CFAP44: variants seen among roughly 807,000 people sequenced by gnomAD.
The protein encoded by CFAP44 is cilia and flagella associated protein 44.
CFAP44 carries 134 observed loss-of-function variants against 216.2 expected under a neutral mutation model. The observed-to-expected ratio is 0.62, with a 90% CI of 0.54 to 0.72. CFAP44 has a LOEUF of 0.72. Among genes scored for constraint, CFAP44 ranks in the 30% least tolerant of loss-of-function variants. The pLI is 0.00. For synonymous variants in CFAP44, 700 were observed against 727.6 expected, an observed-to-expected ratio of 0.96 and a Z score of 0.61; for missense variants, 2,035 against 2,182.1, an observed-to-expected ratio of 0.93 and a Z score of 1.34.
chr3:113,416,241 G>T (rs996269537), intron 6 of CFAP44, among the ~76,000 whole-genome samples: 3 of 149,656 alleles, frequency 2.0e-5, no homozygotes, highest in Non-Finnish European at 3.0e-5. Flanking sequence ...CCTTTGTTTT[G>T]AGCCTGTGTG....
At chr3:113,400,065 T>C in intron 12 of CFAP44, 65 bp from the exon 13 acceptor site, 1 of 1,033,930 alleles carries the variant, frequency 9.7e-7, no homozygotes, top group South Asian at 2.1e-5. Flanking sequence ...CTTGGCTCAC[T>C]TTTTACATGT....
rs565388921 is a variant in CFAP44 at position 113,401,885 on chromosome 3, C to T, written c.1171-146G>A. 8 of 804,658 alleles carry T rather than the reference C, an allele frequency of 9.9e-6. No individual in the cohort carries two copies. The South Asian group carries it at 1.2e-4, about 13-fold the overall frequency. 49.8% of individuals were successfully genotyped at this position (804,658 alleles called of 1,614,324 possible). On this transcript the variant is annotated intron_variant, in intron 9 of 34. Coordinates refer to ENST00000393845, the MANE Select transcript of CFAP44 (RefSeq NM_001164496.2). ...CAATGAACAAGTGTGATAAGAACAC[C>T]AGCCAAAACCTGACCCCTGAAATTT...
At chr3:113,379,960 G>A (rs1317760851) in intron 16 of CFAP44, among the ~76,000 whole-genome samples, 1 of 152,072 alleles carries the variant, frequency 6.6e-6, no homozygotes, top group Non-Finnish European at 1.5e-5. Context: ...TCTGACACTG[G>A]TATTTCCGCC....
At chr3:113,339,239 G>C (rs1474119604) in intron 24 of CFAP44, among the ~76,000 whole-genome samples, 2 of 152,102 alleles carry the variant, frequency 1.3e-5, no homozygotes, top group African/African-American at 4.8e-5. Context: ...AGATTCTGAG[G>C]GTCAAACAGT....
chr3:113,346,198 T>C (rs1041940726), intron 22 of CFAP44, among the ~76,000 whole-genome samples: 6 of 151,650 alleles, frequency 4.0e-5, no homozygotes, highest in Admixed American at 2.6e-4. Context: ...AGCTAAAGGA[T>C]TGTAAGTTCA....
Position 113,296,705 on chromosome 3 carries a change from A to AC in CFAP44, c.5238+19_5238+20insG. 1 of 1,531,454 alleles carries AC rather than the reference A, an allele frequency of 6.5e-7. No individual in the cohort carries two copies. Among genetic ancestry groups the AC allele is most frequent in the Non-Finnish European group, 8.8e-7 (1 of 1,142,128 alleles). The allele number at this position is 1,531,454 out of a possible 1,614,324, so 94.9% of individuals were successfully genotyped here. A position where few individuals can be genotyped will look rare whatever the true frequency, so the allele number is the denominator to read the frequency against. On this transcript the variant is annotated intron_variant, in intron 33 of 34. Coordinates refer to ENST00000393845, the MANE Select transcript of CFAP44 (RefSeq NM_001164496.2). ...CTCCAGCCAGATTCAACCAAAGATC[A>AC]ACCCCCTTCTCTTCCTTACCTCCCA...
At position 113,377,394 on chromosome 3, in the gene CFAP44, G is replaced by A. The variant is rs190787338; in HGVS notation, c.2298+1912C>T. 1.9e-3 allele frequency among the ~76,000 whole-genome samples: 289 copies of A among 152,226 alleles called. 2 individuals carry two copies. The highest frequency in any genetic ancestry group is 5.7e-3 in the African/African-American group (236 of 41,530). ...TGTTCACCAGTGTAGCTTAATGGTT[G>A]AGGGCATGAACTCTGGAGCCAGATT... On this transcript the variant is annotated intron_variant, in intron 17 of 34. Transcript: ENST00000393845.
intron 7 of CFAP44, 47 bp from the exon 8 acceptor site, chr3:113,407,088 A>C (rs1346535504): frequency 7.1e-7 from 1 of 1,408,374 alleles, no homozygotes; most frequent in East Asian, 2.3e-5. Flanking sequence ...TATTTTATTG[A>C]TTTTTATTTT....
chr3:113,306,503 T>A (rs1042304300), intron 29 of CFAP44, among the ~76,000 whole-genome samples, 172 bp from the exon 30 acceptor site: 17 of 152,208 alleles, frequency 1.1e-4, no homozygotes, highest in African/African-American at 4.1e-4. Context: ...TTAGTATTAC[T>A]AATAACCATA....
intron 15 of CFAP44, among the ~76,000 whole-genome samples, chr3:113,389,649 G>T (rs982669988): frequency 2.6e-5 from 4 of 151,586 alleles, no homozygotes; most frequent in Admixed American, 6.6e-5. Flanking sequence ...TAAAATATAT[G>T]AAATCAAAGA....
intron 2 of CFAP44, among the ~76,000 whole-genome samples, chr3:113,433,186 T>C (rs1449806795): frequency 2.6e-5 from 4 of 151,926 alleles, no homozygotes; most frequent in Non-Finnish European, 4.4e-5. Context: ...CCCAGCACTT[T>C]GGGAGGCAGA....
chr3:113,430,584 T>C (rs373783530), intron 2 of CFAP44, among the ~76,000 whole-genome samples: 2 of 152,122 alleles, frequency 1.3e-5, no homozygotes, highest in African/African-American at 4.8e-5. Flanking sequence ...CCTACAAAGT[T>C]ATGTCAACAA....
At chr3:113,339,810 T>G (rs1417659608) in intron 24 of CFAP44, among the ~76,000 whole-genome samples, 1 of 152,088 alleles carries the variant, frequency 6.6e-6, no homozygotes, top group Non-Finnish European at 1.5e-5. Flanking sequence ...CTGTTAACTT[T>G]CATATCAGAA....
At chr3:113,313,706 A>G (rs1479676497) in intron 28 of CFAP44, among the ~76,000 whole-genome samples, 2 of 152,200 alleles carry the variant, frequency 1.3e-5, no homozygotes, top group African/African-American at 4.8e-5. Flanking sequence ...ATGTCTCACA[A>G]GATCTAATGG....
At position 113,352,161 on chromosome 3, in the gene CFAP44, G is replaced by A. The variant is rs1031868619; in HGVS notation, c.3065+6584C>T. Reference sequence around the variant, plus strand: ...GAGGATTGTAAATGCACCAATCAGCGCTCTGTGTCTAGCTAAAAGATTGTA... The same window carrying A: ...GAGGATTGTAAATGCACCAATCAGCACTCTGTGTCTAGCTAAAAGATTGTA... On this transcript the variant is annotated intron_variant, in intron 22 of 34. Transcript: ENST00000393845. Among the ~76,000 whole-genome samples, 8 of 152,258 alleles carry A rather than the reference G, an allele frequency of 5.3e-5. No homozygotes were observed. The South Asian group carries it at 6.2e-4, about 12-fold the overall frequency.
intron 21 of CFAP44, chr3:113,360,519 G>T: frequency 4.5e-6 from 1 of 222,398 alleles, no homozygotes; most frequent in South Asian, 8.4e-5. Context: ...TATCAGACAT[G>T]ATCCTCATCT....
chr3:113,331,762 C>G (rs1214747860), intron 25 of CFAP44, among the ~76,000 whole-genome samples: 2 of 151,942 alleles, frequency 1.3e-5, no homozygotes, highest in South Asian at 4.2e-4. Flanking sequence ...TTTTCAAATA[C>G]CACACAAACC....
At chr3:113,369,816 T>C (rs966898147) in intron 18 of CFAP44, among the ~76,000 whole-genome samples, 2 of 151,820 alleles carry the variant, frequency 1.3e-5, no homozygotes, top group Non-Finnish European at 2.9e-5. Context: ...ATCAAGAGAA[T>C]TGATAGAGAG....
chr3:113,417,684 T>C (rs1934686605), intron 5 of CFAP44, among the ~76,000 whole-genome samples: 1 of 152,188 alleles, frequency 6.6e-6, no homozygotes, highest in Non-Finnish European at 1.5e-5. Context: ...ACCATTATTA[T>C]CTCCATCTTA....
Sources: gnomAD v4.1 joint callset for allele counts (sites outside exome capture counted in the v4.1 genomes callset) on GRCh38, gnomAD v4.1.1 for gene constraint, MANE v1.5 for transcripts, NCBI Gene and HGNC (gene_info 2026-07-23, HGNC 2026-07-21) for gene names.